Variants in MYO3B observed in about 807,000 individuals in gnomAD.
MYO3B encodes the protein myosin IIIB, also known as myosin-IIIb.
Under a neutral mutation model 174.6 loss-of-function variants are expected in MYO3B, and 156 were observed. That is an observed-to-expected ratio of 0.89 (90% CI 0.78 to 1.02). The LOEUF (loss-of-function observed/expected upper bound fraction) is 1.02. Ranked by LOEUF, MYO3B falls within the 50% of genes least tolerant of loss-of-function variation. The pLI, the probability that MYO3B is intolerant of heterozygous loss-of-function variation, is 0.00. For missense variants in MYO3B, 1,632 were observed against 1,639.4 expected (o/e 1.00, Z 0.08); for synonymous variants, 563 against 569.1 (o/e 0.99, Z 0.15).
Position 170,401,569 on chromosome 2 carries a change from T to C in MYO3B, c.2007T>C (p.Arg669=). Reference sequence around the variant, plus strand: ...TCACCCGGGGCGAGACCATCATCCGTGCCAACACTGTAGACAGGGCTGCGG... The same window carrying C: ...TCACCCGGGGCGAGACCATCATCCGCGCCAACACTGTAGACAGGGCTGCGG... ...CVVTRGETII[R]ANTVDRAADV... Residue 669 remains arginine, a synonymous_variant, in exon 18 of 35, where the codon CGT becomes CGC. Transcript: ENST00000408978. 6.2e-7 allele frequency: 1 copy of C among 1,614,158 alleles called. No individual in the cohort carries two copies. The highest frequency in any genetic ancestry group is 1.1e-5 in the South Asian group (1 of 91,084).
chr2:170,391,691 T>A, intron 15 of MYO3B, 73 bp downstream of exon 15: 1 of 885,380 alleles, frequency 1.1e-6, no homozygotes, highest in Non-Finnish European at 1.8e-6. Flanking sequence ...TGGAAGTAAA[T>A]GGAGCTGTTT....
rs1433765896 is a variant in MYO3B at position 170,651,718 on chromosome 2, A to T, written c.3824A>T (p.Tyr1275Phe). ...CTGAGTAGCCCTGAGGACACCATGT[A>T]CTATAACCAGTTAAATGTGAGTTCA... is the stretch of plus-strand genomic sequence containing the variant. ...KMLSSPEDTM[Y>F]YNQLNGTLEY... The change falls in exon 33 of 35, where the codon TAC (tyrosine) becomes TTC (phenylalanine). Residue 1275 changes from tyrosine (Y) to phenylalanine (F), a missense_variant. Tyr to Phe is a conservative substitution (Grantham distance 22). Transcript: ENST00000408978. 1.9e-6 allele frequency: 3 copies of T among 1,613,894 alleles called. No homozygotes were observed. In the African/African-American group the frequency reaches 4.0e-5, roughly 22 times the overall value.
intron 32 of MYO3B, among the ~76,000 whole-genome samples, chr2:170,649,354 AT>A (rs1416557876): frequency 2.5e-5 from 1 of 40,776 alleles, no homozygotes; most frequent in Non-Finnish European, 3.9e-5. Context: ...AAAATAATAT[AT>A]AATATATTAT....
At position 170,402,939 on chromosome 2, in the gene MYO3B, A is replaced by G; in HGVS notation, c.2221A>G (p.Ile741Val). The change falls in exon 19 of 35, where the codon ATC (isoleucine) becomes GTC (valine). Residue 741 changes from isoleucine to valine, a missense_variant. By Grantham distance (29) the Ile-to-Val change is conservative. Coordinates refer to ENST00000408978, the MANE Select transcript of MYO3B (RefSeq NM_138995.5). The stretch of plus-strand genomic sequence containing the variant: ...TTCATTTGAGCAGCTCTGCATAAAC[A>G]TCGCCAATGAGCAAATCCAGTACTA... ...RNSFEQLCIN[I>V]ANEQIQYYFN... The G allele has an allele frequency of 1.2e-6, 2 of 1,611,246 alleles. No homozygotes were observed. The highest frequency in any genetic ancestry group is 1.7e-4 in the Middle Eastern group (1 of 6,054).
At chr2:170,564,982 G>A (rs1319852163) in intron 32 of MYO3B, among the ~76,000 whole-genome samples, 1 of 151,756 alleles carries the variant, frequency 6.6e-6, no homozygotes, top group Non-Finnish European at 1.5e-5. Flanking sequence ...CTATTCTTTT[G>A]CTGCCTGTCA....
intron 7 of MYO3B, among the ~76,000 whole-genome samples, chr2:170,280,833 G>C (rs2093502980): frequency 6.6e-6 from 1 of 151,986 alleles, no homozygotes; most frequent in African/African-American, 2.4e-5. Flanking sequence ...CCATTGGTCT[G>C]TGTACCTGTT....
chr2:170,280,680 A>T (rs1050368094), intron 7 of MYO3B, among the ~76,000 whole-genome samples: 44 of 127,676 alleles, frequency 3.4e-4, no homozygotes, highest in African/African-American at 1.5e-3. Flanking sequence ...GTCCAGCTTC[A>T]GTCTTCTGCA....
chr2:170,616,036 C>A (rs951633025), intron 32 of MYO3B, among the ~76,000 whole-genome samples: 2 of 152,110 alleles, frequency 1.3e-5, no homozygotes, highest in African/African-American at 2.4e-5. Flanking sequence ...TCTAACAGAG[C>A]CTTAAAACAG....
chr2:170,373,844 A>AC (rs1188777616), intron 9 of MYO3B, among the ~76,000 whole-genome samples: 8 of 145,344 alleles, frequency 5.5e-5, no homozygotes, highest in African/African-American at 2.0e-4. Flanking sequence ...AAAAAAAAAA[A>AC]CTTAGCAAGG....
intron 32 of MYO3B, chr2:170,641,491 A>C (rs1422351641): frequency 6.6e-6 from 1 of 151,056 alleles, no homozygotes; most frequent in Admixed American, 6.6e-5. Flanking sequence ...TTTGTCAAAC[A>C]CCAAACTATG....
chr2:170,531,497 C>T (rs1689351417), intron 30 of MYO3B, among the ~76,000 whole-genome samples: 1 of 152,142 alleles, frequency 6.6e-6, no homozygotes, highest in South Asian at 2.1e-4. Context: ...ACAATATCTA[C>T]CTCACCAAGA....
At chr2:170,470,127 A>AAAAAAAAAAG (rs1559032928) in intron 25 of MYO3B, among the ~76,000 whole-genome samples, 1 of 141,886 alleles carries the variant, frequency 7.0e-6, no homozygotes, top group Non-Finnish European at 1.5e-5. Flanking sequence ...AAAAAAAAAA[A>AAAAAAAAAAG]AAAGAAGGAA....
At chr2:170,622,068 T>A (rs548442767) in intron 32 of MYO3B, among the ~76,000 whole-genome samples, 2 of 152,336 alleles carry the variant, frequency 1.3e-5, no homozygotes, top group African/African-American at 4.8e-5. Flanking sequence ...TACCTTTAAA[T>A]CGGCTCCACC....
Position 170,499,666 on chromosome 2 carries a change from T to C in MYO3B, c.3147T>C (p.His1049=), listed in dbSNP as rs778482320. Residue 1049 remains histidine (H), a synonymous_variant, in exon 27 of 35, where the codon CAT becomes CAC. Coordinates refer to ENST00000408978, the MANE Select transcript of MYO3B (RefSeq NM_138995.5). The part of the protein sequence containing the change: ...GKTKVFLKYY[H]VEQLNLLLRE... The stretch of plus-strand genomic sequence containing the variant: ...TTCAGGTTTTTCTCAAATATTACCA[T>C]GTTGAGCAATTAAATTTGCTGCTTC... The C allele has an allele frequency of 2.8e-5, 45 of 1,614,040 alleles. No individual in the cohort carries two copies. Among genetic ancestry groups the C allele is most frequent in the East Asian group, 8.9e-5 (4 of 44,902 alleles).
At chr2:170,446,129 G>A (rs1401426507) in intron 23 of MYO3B, among the ~76,000 whole-genome samples, 1 of 152,206 alleles carries the variant, frequency 6.6e-6, no homozygotes, top group Non-Finnish European at 1.5e-5. Context: ...AGGGGACTGA[G>A]CATTTCTGTG....
chr2:170,435,687 C>G (rs2094748442), intron 22 of MYO3B, among the ~76,000 whole-genome samples: 1 of 152,168 alleles, frequency 6.6e-6, no homozygotes, highest in East Asian at 1.9e-4. Flanking sequence ...ACACAAACAG[C>G]TTTTTACATT....
intron 7 of MYO3B, among the ~76,000 whole-genome samples, chr2:170,240,812 A>G (rs1359064081): frequency 6.6e-6 from 1 of 152,220 alleles, no homozygotes; most frequent in Non-Finnish European, 1.5e-5. Context: ...TTAGGTGAAC[A>G]TAGGCTGTCT....
intron 23 of MYO3B, among the ~76,000 whole-genome samples, chr2:170,445,398 A>G (rs960982346): frequency 6.6e-5 from 10 of 150,872 alleles, no homozygotes; most frequent in African/African-American, 2.4e-4. Flanking sequence ...CTGGAGTGCA[A>G]TGGCGTGATC....
At chr2:170,628,309 A>G (rs1291355088) in intron 32 of MYO3B, among the ~76,000 whole-genome samples, 1 of 152,184 alleles carries the variant, frequency 6.6e-6, no homozygotes, top group Non-Finnish European at 1.5e-5. Context: ...CTGTGCTAGC[A>G]ATGAGCGAGG....
Sources: allele counts gnomAD v4.1 joint callset (sites outside exome capture counted in the v4.1 genomes callset), GRCh38; gene constraint gnomAD v4.1.1; transcripts MANE v1.5; gene names NCBI Gene and HGNC (gene_info 2026-07-23, HGNC 2026-07-21).